The following MTUS2 variants were observed in gnomAD, a reference collection of about 807,000 sequenced individuals.
MTUS2 encodes the protein microtubule associated scaffold protein 2.
A neutral mutation model predicts 114.1 loss-of-function variants in MTUS2; 40 were observed. That is an observed-to-expected ratio of 0.35 (90% CI 0.27 to 0.46). The LOEUF (loss-of-function observed/expected upper bound fraction) is 0.46, where lower values mean the gene tolerates loss of function less well. MTUS2 is among the 20% of genes least tolerant of loss of function. The pLI is 1.00. For synonymous variants in MTUS2, 688 were observed against 672.0 expected, an observed-to-expected ratio of 1.02 and a Z score of -0.37; for missense variants, 1,679 against 1,705.4, an observed-to-expected ratio of 0.98 and a Z score of 0.27.
intron 6 of MTUS2, among the ~76,000 whole-genome samples, chr13:29,289,228 T>C (rs7319242): frequency 0.61 from 92,532 of 151,972 alleles, 28,376 homozygotes; most frequent in East Asian, 0.83. Flanking sequence ...AACAGCAAAG[T>C]TCAAGTATGG....
At chr13:29,122,668 G>A (rs1371001919) in intron 5 of MTUS2, among the ~76,000 whole-genome samples, 1 of 152,166 alleles carries the variant, frequency 6.6e-6, no homozygotes, top group Non-Finnish European at 1.5e-5. Context: ...GTCACTATCT[G>A]TCTAAATCAG....
Position 29,503,050 on chromosome 13 carries a change from G to A in MTUS2, c.3954G>A (p.Glu1318=). The A allele has an allele frequency of 6.2e-7, 1 of 1,614,222 alleles. No homozygotes were observed. Among genetic ancestry groups the A allele is most frequent in the Non-Finnish European group, 8.5e-7 (1 of 1,180,042 alleles). The change falls in exon 16 of 16, where the codon GAG becomes GAA. Residue 1318 remains glutamate (E), a synonymous_variant. Coordinates refer to ENST00000612955, the MANE Select transcript of MTUS2 (RefSeq NM_001033602.4). ...LQEYVEKETQ[E]KKRLSRTNEE... The stretch of plus-strand genomic sequence containing the variant: ...AATATGTTGAGAAGGAAACCCAGGA[G>A]AAGAAGAGATTGAGCCGAACCAATG...
intron 9 of MTUS2, among the ~76,000 whole-genome samples, chr13:29,479,505 T>A (rs1880983520): frequency 6.6e-6 from 1 of 152,218 alleles, no homozygotes; most frequent in Non-Finnish European, 1.5e-5. Flanking sequence ...ACCATGAATC[T>A]GTGATTAGGG....
intron 8 of MTUS2, among the ~76,000 whole-genome samples, chr13:29,389,348 T>TGCAAATATGTATGTATACAC (rs1490330568): frequency 8.1e-5 from 3 of 37,094 alleles, no homozygotes; most frequent in African/African-American, 2.0e-4. Flanking sequence ...TATGCACGTG[T>TGCAAATATGTATGTATACAC]GTGTATATAT....
intron 5 of MTUS2, among the ~76,000 whole-genome samples, chr13:29,255,850 G>A (rs1326389036): frequency 6.6e-6 from 1 of 152,212 alleles, no homozygotes; most frequent in Non-Finnish European, 1.5e-5. Flanking sequence ...TGGACACGCT[G>A]CATTGAGTTA....
intron 2 of MTUS2, among the ~76,000 whole-genome samples, chr13:29,023,366 A>G (rs1886373076): frequency 6.6e-6 from 1 of 152,226 alleles, no homozygotes; most frequent in East Asian, 1.9e-4. Flanking sequence ...TTTCAAACCT[A>G]TAGAAAAGTT....
At chr13:29,276,077 G>C (rs1253366682) in intron 5 of MTUS2, among the ~76,000 whole-genome samples, 3 of 149,544 alleles carry the variant, frequency 2.0e-5, no homozygotes, top group Admixed American at 2.0e-4. Flanking sequence ...ACAAATTATG[G>C]TGTGAGGTAG....
intron 9 of MTUS2, among the ~76,000 whole-genome samples, chr13:29,453,748 A>T (rs1238913192): frequency 7.0e-6 from 1 of 142,978 alleles, no homozygotes; most frequent in Non-Finnish European, 1.5e-5. Flanking sequence ...TTCTGTTTCC[A>T]TATGGCTATC....
At chr13:29,333,081 AT>A (rs1334541562) in intron 7 of MTUS2, among the ~76,000 whole-genome samples, 1 of 152,138 alleles carries the variant, frequency 6.6e-6, no homozygotes, top group East Asian at 1.9e-4. Flanking sequence ...CTTTGTTCTC[AT>A]TGGTTTCAAA....
intron 2 of MTUS2, among the ~76,000 whole-genome samples, chr13:28,923,945 C>T (rs1881186875): frequency 6.6e-6 from 1 of 152,138 alleles, no homozygotes; most frequent in Non-Finnish European, 1.5e-5. Flanking sequence ...ACCCTCCCCA[C>T]CGTGATTCTC....
chr13:29,025,331 G>C lies in MTUS2; in HGVS notation c.633G>C (p.Gly211=). 1.7e-5 allele frequency: 27 copies of C among 1,613,830 alleles called. No individual in the cohort carries two copies. Among genetic ancestry groups the C allele is most frequent in the Non-Finnish European group, 2.3e-5 (27 of 1,179,878 alleles). ...DSREARGQIP[G]GGEGPQKTLP... is the part of the protein sequence containing the mutation. ...GGGAAGCACGGGGTCAGATACCTGG[G>C]GGTGGGGAGGGGCCACAGAAGACAT... Residue 211 remains glycine (G), a synonymous_variant, in exon 3 of 16, where the codon GGG becomes GGC. Coordinates refer to ENST00000612955, the MANE Select transcript of MTUS2 (RefSeq NM_001033602.4).
chr13:28,849,482 A>G (rs1047335261), intron 2 of MTUS2, among the ~76,000 whole-genome samples: 1 of 152,332 alleles, frequency 6.6e-6, no homozygotes, highest in Non-Finnish European at 1.5e-5. Flanking sequence ...AGCAAACTCA[A>G]CACAAACCTC....
chr13:28,855,834 T>C (rs1876591788), intron 2 of MTUS2, among the ~76,000 whole-genome samples: 2 of 152,190 alleles, frequency 1.3e-5, no homozygotes, highest in South Asian at 4.1e-4. Flanking sequence ...TTCTAGGTCT[T>C]TGAGGGATCA....
chr13:28,932,404 G>C (rs558510931), intron 2 of MTUS2, among the ~76,000 whole-genome samples: 5 of 152,334 alleles, frequency 3.3e-5, no homozygotes, highest in South Asian at 2.1e-4. Context: ...TCATGTCAGA[G>C]ACTTGAGCAT....
intron 2 of MTUS2, among the ~76,000 whole-genome samples, chr13:28,922,894 C>T (rs575122381): frequency 6.6e-6 from 1 of 152,296 alleles, no homozygotes; most frequent in East Asian, 1.9e-4. Context: ...TCTATTCGGC[C>T]ATCTTGCTCT....
chr13:28,971,106 A>G (rs1324771828), intron 2 of MTUS2, among the ~76,000 whole-genome samples: 1 of 152,242 alleles, frequency 6.6e-6, no homozygotes, highest in Non-Finnish European at 1.5e-5. Context: ...AAATCGTGCC[A>G]GAAAGTAGAG....
In MTUS2 at chr13:29,360,695, C is replaced by A. The variant is rs12323284; in HGVS notation, c.3117+1222C>A. 3.7e-4 allele frequency among the ~76,000 whole-genome samples: 52 copies of A among 139,940 alleles called. 1 individual carries two copies. The highest frequency in any genetic ancestry group is 1.1e-3 in the African/African-American group (45 of 39,376). 91.8% of individuals were successfully genotyped at this position (139,940 alleles called of 152,430 possible). A position where few individuals can be genotyped will look rare whatever the true frequency, so the allele number is the denominator to read the frequency against. On this transcript the variant is annotated intron_variant, in intron 8 of 15. Transcript: ENST00000612955. ...TGCATAAAGTAGCCGAACACCCCCC[C>A]CCCCCCGTAAGAATTAAAGTTACAA...
Position 29,494,956 on chromosome 13 carries a change from C to A in MTUS2, c.3579+2237C>A, listed in dbSNP as rs749268969. ...TTCCCAGCACTTTGGGAGGCTGAGGCGGGCAGATCACCTAAGGTCAGAGTT... is the reference window on the plus strand; with the variant it reads ...TTCCCAGCACTTTGGGAGGCTGAGGAGGGCAGATCACCTAAGGTCAGAGTT... On this transcript the variant is annotated intron_variant, in intron 12 of 15. Coordinates refer to ENST00000612955, the MANE Select transcript of MTUS2 (RefSeq NM_001033602.4). Among the ~76,000 whole-genome samples the A allele has an allele frequency of 2.0e-5, 3 of 151,680 alleles. No individual in the cohort carries two copies. In the South Asian group the frequency reaches 6.3e-4, roughly 32 times the overall value.
At chr13:28,952,689 G>A (rs764425706) in intron 2 of MTUS2, among the ~76,000 whole-genome samples, 2 of 152,074 alleles carry the variant, frequency 1.3e-5, no homozygotes, top group Non-Finnish European at 2.9e-5. Context: ...TTATTAAATG[G>A]TATATTAAAC....
Sources: allele counts gnomAD v4.1 joint callset (sites outside exome capture counted in the v4.1 genomes callset), GRCh38; gene constraint gnomAD v4.1.1; transcripts MANE v1.5; gene names NCBI Gene and HGNC (gene_info 2026-07-23, HGNC 2026-07-21).